EXD1: variants seen among roughly 807,000 people sequenced by gnomAD.
EXD1 encodes the protein piRNA biogenesis protein EXD1.
Under a neutral mutation model 49.1 loss-of-function variants are expected in EXD1, and 63 were observed. The ratio of observed to expected loss-of-function variants is 1.28; its 90% CI spans 1.05 to 1.58. The LOEUF is 1.58. Among genes scored for constraint, EXD1 ranks in the 40% most tolerant of loss-of-function variants. EXD1 has a pLI of 0.00. For missense variants in EXD1, 748 were observed against 666.0 expected (o/e 1.12, Z -1.36); for synonymous variants, 234 against 239.2 (o/e 0.98, Z 0.20).
chr15:41,211,031 C>G (rs1331886049), intron 6 of EXD1, among the ~76,000 whole-genome samples: 1 of 152,132 alleles, frequency 6.6e-6, no homozygotes, highest in Non-Finnish European at 1.5e-5. Flanking sequence ...CTAATTACCT[C>G]TTCAAACTTC....
intron 7 of EXD1, among the ~76,000 whole-genome samples, chr15:41,205,579 A>T (rs1348885749): frequency 6.6e-6 from 1 of 151,890 alleles, no homozygotes; most frequent in Non-Finnish European, 1.5e-5. Flanking sequence ...GGAGTTTGAG[A>T]CCAGCCTGGG....
chr15:41,208,368 T>TA (rs1566986561), intron 7 of EXD1, among the ~76,000 whole-genome samples: 6 of 80,878 alleles, frequency 7.4e-5, no homozygotes, highest in African/African-American at 4.2e-4. Flanking sequence ...AACTCATCTC[T>TA]GAAAAAAAAA....
Position 41,184,005 on chromosome 15 carries a change from C to A in EXD1, c.1645G>T (p.Val549Phe). 6.2e-7 allele frequency: 1 copy of A among 1,614,064 alleles called. No homozygotes were observed. Among genetic ancestry groups the A allele is most frequent in the East Asian group, 2.2e-5 (1 of 44,884 alleles). ...DTFYPIRKTV[V>F]STLPPCPALE... ...GCTGGACAGGGAGGGAGTGTGGAAA[C>A]CACAGTCTTTCTGATAGGATAAAAA... The change falls in exon 12 of 12, where the codon GTT becomes TTT. Residue 549 changes from valine (V) to phenylalanine (F), a missense_variant. Physicochemically the swap from Val to Phe is conservative, Grantham distance 50 (BLOSUM62 -1). Transcript: ENST00000458580.
chr15:41,220,020 A>C, intron 2 of EXD1, 122 bp from the exon 3 acceptor site: 1 of 694,146 alleles, frequency 1.4e-6, no homozygotes, highest in African/African-American at 1.8e-5. Context: ...ACTCCAAAAA[A>C]ATATCCAAAT....
chr15:41,209,778 C>CT (rs113116322), intron 6 of EXD1, among the ~76,000 whole-genome samples, 191 bp from the exon 7 acceptor site: 126,304 of 150,970 alleles, frequency 0.84, 54,462 homozygotes, highest in Non-Finnish European at 0.94. Flanking sequence ...ACTTCTGATT[C>CT]TTTTTTTTTG....
At chr15:41,210,520 C>G (rs1008700568) in intron 6 of EXD1, among the ~76,000 whole-genome samples, 1 of 152,044 alleles carries the variant, frequency 6.6e-6, no homozygotes, top group African/African-American at 2.4e-5. Context: ...AGTGTCTGTA[C>G]AAAAAATACA....
chr15:41,205,997 A>G (rs2046816907), intron 7 of EXD1, among the ~76,000 whole-genome samples: 1 of 150,334 alleles, frequency 6.7e-6, no homozygotes, highest in African/African-American at 2.5e-5. Flanking sequence ...CTCCTGCCTC[A>G]GCCTCCCATA....
chr15:41,224,007 A>G (rs1380350326), intron 2 of EXD1, among the ~76,000 whole-genome samples: 1 of 151,922 alleles, frequency 6.6e-6, no homozygotes, highest in Non-Finnish European at 1.5e-5. Context: ...GGTTAGACTA[A>G]GTTCTCACTG....
In EXD1 at chr15:41,190,046, G is replaced by C. The variant is rs1197532293; in HGVS notation, c.947C>G (p.Pro316Arg). ...CTCATCTAGGAGTGCCAAGCGAAGG[G>C]GTAACAGGTAGGTAGCTTCCAGGGC... The part of the protein sequence containing the change: ...ILALEATYLL[P>R]LRLALLDEMM... Residue 316 changes from proline (P) to arginine (R), a missense_variant, in exon 11 of 12, where the codon CCC becomes CGC. Transcript: ENST00000458580. 3 of 1,614,156 alleles carry C rather than the reference G, an allele frequency of 1.9e-6. No individual in the cohort carries two copies. In the East Asian group the frequency reaches 6.7e-5, roughly 36 times the overall value.
intron 7 of EXD1, among the ~76,000 whole-genome samples, chr15:41,203,716 A>T (rs1329539422): frequency 6.6e-6 from 1 of 151,488 alleles, no homozygotes; most frequent in Non-Finnish European, 1.5e-5. Flanking sequence ...CAGGAGTTCG[A>T]CACCAGCCTG....
intron 2 of EXD1, among the ~76,000 whole-genome samples, chr15:41,220,331 C>T (rs1031325247): frequency 2.0e-5 from 3 of 151,414 alleles, no homozygotes; most frequent in East Asian, 3.9e-4. Context: ...AGTGCAGTAG[C>T]GCAATCTCGG....
chr15:41,230,048 G>A (rs1351414426), intron 1 of EXD1, among the ~76,000 whole-genome samples: 3 of 151,224 alleles, frequency 2.0e-5, no homozygotes, highest in Non-Finnish European at 4.4e-5. Context: ...TGGTTCACCT[G>A]AGAGTAGGCA....
At chr15:41,208,056 T>C (rs76104695) in intron 7 of EXD1, among the ~76,000 whole-genome samples, 1,604 of 150,030 alleles carry the variant, frequency 0.011, 14 homozygotes, top group Non-Finnish European at 0.018. Flanking sequence ...AAAGGACAGC[T>C]GTAGACAACT....
At chr15:41,216,444 C>G (rs2046999765) in intron 5 of EXD1, among the ~76,000 whole-genome samples, 1 of 151,972 alleles carries the variant, frequency 6.6e-6, no homozygotes, top group Non-Finnish European at 1.5e-5. Context: ...CTAGCCTGAT[C>G]AACATGGAGA....
intron 11 of EXD1, among the ~76,000 whole-genome samples, chr15:41,185,352 TTTTGA>T (rs985420465): frequency 7.9e-5 from 12 of 152,100 alleles, no homozygotes; most frequent in South Asian, 6.2e-4. Context: ...TTTTGTTTTG[TTTTGA>T]TTTTTTTAGA....
chr15:41,189,942 T>C lies in EXD1; in HGVS notation c.1051A>G (p.Thr351Ala). 1.2e-6 allele frequency: 2 copies of C among 1,613,666 alleles called. No homozygotes were observed. Among genetic ancestry groups the C allele is most frequent in the Non-Finnish European group, 8.5e-7 (1 of 1,179,740 alleles). Residue 351 changes from threonine (T) to alanine (A), a missense_variant, in exon 11 of 12, where the codon ACT becomes GCT. Transcript: ENST00000458580. ...REGSADRLGG[T>A]EPTCMELPEE... ...AGACAGAGAGCTGCACCTACCTCAGTGCCTCCAAGCCGGTCTGCAGACCCT... is the reference window on the plus strand; with the variant it reads ...AGACAGAGAGCTGCACCTACCTCAGCGCCTCCAAGCCGGTCTGCAGACCCT...
At position 41,191,783 on chromosome 15, in the gene EXD1, AT is replaced by A. The variant is rs557712217; in HGVS notation, c.721-199del. The stretch of plus-strand genomic sequence containing the variant: ...AAAAAAAAAACGGAATAAAAGCTCA[AT>A]TTTTTTTTTTGAGGTGGAGTCTCGC... On this transcript the variant is annotated intron_variant, in intron 9 of 11. Transcript: ENST00000458580. 7.2e-4 allele frequency among the ~76,000 whole-genome samples: 107 copies of A among 148,540 alleles called. 1 individual carries two copies. Among genetic ancestry groups the A allele is most frequent in the East Asian group, 3.9e-3 (20 of 5,096 alleles).
intron 7 of EXD1, among the ~76,000 whole-genome samples, chr15:41,204,051 G>A (rs2046779339): frequency 6.6e-6 from 1 of 150,378 alleles, no homozygotes; most frequent in African/African-American, 2.5e-5. Context: ...TTTGAGACCA[G>A]CCTGGGCAAC....
Position 41,184,186 on chromosome 15 carries a change from A to G in EXD1, c.1464T>C (p.Phe488=). ...CCTGAAACTCATGTTTGGGTGTCAT[A>G]AAGTGTTCTTTCTGAGTTATTCTCT... is the stretch of plus-strand genomic sequence containing the variant. ...EDQRITQKEH[F]MTPKHEFQAS... is the part of the protein sequence containing the mutation. Residue 488 remains phenylalanine (F), a synonymous_variant, in exon 12 of 12, where the codon TTT becomes TTC. Coordinates refer to ENST00000458580, the MANE Select transcript of EXD1 (RefSeq NM_001286441.2). The G allele has an allele frequency of 6.2e-7, 1 of 1,614,216 alleles. No homozygotes were observed. Among genetic ancestry groups the G allele is most frequent in the Non-Finnish European group, 8.5e-7 (1 of 1,180,046 alleles).
Sources: gnomAD v4.1 joint callset for allele counts (sites outside exome capture counted in the v4.1 genomes callset) on GRCh38, gnomAD v4.1.1 for gene constraint, MANE v1.5 for transcripts, NCBI Gene and HGNC (gene_info 2026-07-23, HGNC 2026-07-21) for gene names.